Variants in TANC2 observed in about 807,000 individuals in gnomAD.
The protein encoded by TANC2 is protein TANC2.
In TANC2, 26 loss-of-function variants were observed where a neutral mutation model predicts 210.5. The ratio of observed to expected loss-of-function variants is 0.12; its 90% CI spans 0.09 to 0.17. TANC2 has a LOEUF of 0.17. Ranked by LOEUF, TANC2 falls within the 10% of genes least tolerant of loss-of-function variation. The pLI is 1.00. For synonymous variants in TANC2, 931 were observed against 967.1 expected, an observed-to-expected ratio of 0.96 and a Z score of 0.69; for missense variants, 2,129 against 2,608.9, an observed-to-expected ratio of 0.82 and a Z score of 4.01.
At chr17:63,217,412 A>G (rs1365935155) in intron 7 of TANC2, among the ~76,000 whole-genome samples, 2 of 152,236 alleles carry the variant, frequency 1.3e-5, no homozygotes, top group African/African-American at 4.8e-5. Context: ...GAATGTCACA[A>G]ACAATTTTAT....
intron 1 of TANC2, among the ~76,000 whole-genome samples, chr17:62,990,482 C>T (rs543871772): frequency 1.1e-4 from 16 of 151,846 alleles, no homozygotes; most frequent in African/African-American, 3.1e-4. Context: ...ATCAGCTCTC[C>T]CTATGTTGCC....
chr17:62,999,653 A>G (rs1338247685), intron 1 of TANC2, among the ~76,000 whole-genome samples: 1 of 151,676 alleles, frequency 6.6e-6, no homozygotes, highest in Non-Finnish European at 1.5e-5. Flanking sequence ...ATCAACTATT[A>G]TTAGCATCAA....
intron 8 of TANC2, among the ~76,000 whole-genome samples, chr17:63,245,232 C>T (rs1190554700): frequency 6.6e-6 from 1 of 152,094 alleles, no homozygotes; most frequent in Non-Finnish European, 1.5e-5. Flanking sequence ...CCTGTTCAGA[C>T]ATCTTATAAT....
chr17:63,239,529 C>T (rs1346697327), intron 8 of TANC2, among the ~76,000 whole-genome samples: 1 of 152,108 alleles, frequency 6.6e-6, no homozygotes, highest in Non-Finnish European at 1.5e-5. Context: ...CAGCATCTGT[C>T]ATCAGGTGTG....
At position 63,267,688 on chromosome 17, in the gene TANC2, A is replaced by C. The variant is rs3826337; in HGVS notation, c.1034-60A>C. On this transcript the variant is annotated intron_variant, in intron 8 of 27. Coordinates refer to ENST00000689528, the Ensembl canonical transcript of TANC2. Reference sequence around the variant, plus strand: ...TGATTCCAAAGTTCCGGAGATACAGACTAGCTGAAAGACATTTTCTGAACT... The same window carrying C: ...TGATTCCAAAGTTCCGGAGATACAGCCTAGCTGAAAGACATTTTCTGAACT... 2,080 of 1,570,290 alleles carry C rather than the reference A, an allele frequency of 1.3e-3. 39 individuals are homozygous for C. The East Asian group carries it at 0.042, about 32-fold the overall frequency.
chr17:63,047,922 A>G (rs1421977962), intron 2 of TANC2, among the ~76,000 whole-genome samples: 3 of 152,210 alleles, frequency 2.0e-5, no homozygotes, highest in Admixed American at 6.5e-5. Context: ...GAATAAGTGG[A>G]TAGCTGTGAA....
At chr17:63,275,966 A>G (rs2146319174) in intron 9 of TANC2, among the ~76,000 whole-genome samples, 1 of 152,306 alleles carries the variant, frequency 6.6e-6, no homozygotes, top group South Asian at 2.1e-4. Context: ...TCTAAATTAA[A>G]GAATAAACTT....
intron 4 of TANC2, among the ~76,000 whole-genome samples, chr17:63,135,406 T>C (rs760861250): frequency 2.0e-5 from 3 of 152,208 alleles, no homozygotes; most frequent in Non-Finnish European, 4.4e-5. Flanking sequence ...CTAATATTCA[T>C]CTTAATAATA....
chr17:63,202,323 TAAAATG>T (rs2145808908), intron 7 of TANC2, among the ~76,000 whole-genome samples: 1 of 152,244 alleles, frequency 6.6e-6, no homozygotes, highest in African/African-American at 2.4e-5. Flanking sequence ...TGTGAGAAGA[TAAAATG>T]GAAATTGGGC....
intron 7 of TANC2, among the ~76,000 whole-genome samples, chr17:63,220,919 G>A (rs1287921726): frequency 6.6e-6 from 1 of 151,310 alleles, no homozygotes; most frequent in East Asian, 1.9e-4. Context: ...AAAACAGTTT[G>A]TCTTTACCCT....
At chr17:63,209,212 C>T (rs1022479480) in intron 7 of TANC2, among the ~76,000 whole-genome samples, 4 of 151,808 alleles carry the variant, frequency 2.6e-5, no homozygotes, top group African/African-American at 9.7e-5. Context: ...AGGATTTTAA[C>T]ATATTGCCGA....
At chr17:63,261,346 A>G (rs777031744) in intron 8 of TANC2, among the ~76,000 whole-genome samples, 7 of 152,176 alleles carry the variant, frequency 4.6e-5, no homozygotes, top group Non-Finnish European at 1.0e-4. Flanking sequence ...AGTAGTTACC[A>G]CCTGTGGACC....
intron 1 of TANC2, among the ~76,000 whole-genome samples, chr17:62,970,068 A>G (rs1351163044): frequency 1.3e-5 from 2 of 152,234 alleles, no homozygotes; most frequent in Non-Finnish European, 2.9e-5. Flanking sequence ...AGTTTAAGAA[A>G]TGGAACATCA....
intron 7 of TANC2, among the ~76,000 whole-genome samples, chr17:63,211,671 A>G (rs1318128134): frequency 1.3e-5 from 2 of 152,122 alleles, no homozygotes; most frequent in African/African-American, 4.8e-5. Flanking sequence ...ACATGGTATT[A>G]TGCATAGTTT....
At chr17:63,368,114 T>G (rs1200565030) in intron 14 of TANC2, among the ~76,000 whole-genome samples, 1 of 152,174 alleles carries the variant, frequency 6.6e-6, no homozygotes, top group Non-Finnish European at 1.5e-5. Context: ...TGAAAAGCAC[T>G]TGGTCTTTTT....
At chr17:63,053,083 T>A (rs2035640126) in intron 2 of TANC2, among the ~76,000 whole-genome samples, 1 of 152,222 alleles carries the variant, frequency 6.6e-6, no homozygotes, top group Non-Finnish European at 1.5e-5. Flanking sequence ...GGTAGTTTTC[T>A]TCAGTAATTC....
chr17:63,328,998 C>T (rs2045747981), intron 11 of TANC2, among the ~76,000 whole-genome samples: 1 of 152,158 alleles, frequency 6.6e-6, no homozygotes, highest in African/African-American at 2.4e-5. Context: ...ACCTTCCCTT[C>T]TCCAACATAT....
Position 62,981,046 on chromosome 17 carries a change from G to A in TANC2, c.-24+14297G>A, listed in dbSNP as rs116147641. On this transcript the variant is annotated intron_variant, in intron 1 of 27. Coordinates refer to ENST00000689528, the Ensembl canonical transcript of TANC2. ...GTATACTTGTAGGTGAATATGGCTC[G>A]AGCAAACAGCTATGTTGACTTTCAA... is the stretch of plus-strand genomic sequence containing the variant. Among the ~76,000 whole-genome samples, 307 of 152,246 alleles carry A rather than the reference G, an allele frequency of 2.0e-3. 3 individuals carry two copies. Among genetic ancestry groups the A allele is most frequent in the African/African-American group, 6.9e-3 (287 of 41,530 alleles).
rs1170508286 is a variant in TANC2 at position 63,255,903 on chromosome 17, C to CTTT, written c.1034-11825_1034-11823dup. On this transcript the variant is annotated intron_variant, in intron 8 of 27. Coordinates refer to ENST00000689528, the Ensembl canonical transcript of TANC2. ...TCATTAAGTTGTTTATTTGACTTTT[C>CTTT]TTTTTTTTTTTTTTTTTTTTTTGAG... is the stretch of plus-strand genomic sequence containing the variant. 7.2e-4 allele frequency among the ~76,000 whole-genome samples: 61 copies of CTTT among 84,222 alleles called. 1 individual carries two copies. Among genetic ancestry groups the CTTT allele is most frequent in the Middle Eastern group, 8.9e-3 (1 of 112 alleles). The allele number at this position is 84,222 out of a possible 152,430, so 55.3% of individuals were successfully genotyped here. A position where few individuals can be genotyped will look rare whatever the true frequency, so the allele number is the denominator to read the frequency against.
Sources: allele counts gnomAD v4.1 joint callset (sites outside exome capture counted in the v4.1 genomes callset), GRCh38; gene constraint gnomAD v4.1.1; transcripts MANE v1.5; gene names NCBI Gene and HGNC (gene_info 2026-07-23, HGNC 2026-07-21).